Variants in VOPP1 observed in about 807,000 individuals in gnomAD.
VOPP1 encodes WW domain binding protein VOPP1.
Under a neutral mutation model 23.5 loss-of-function variants are expected in VOPP1, and 8 were observed. The observed-to-expected ratio is 0.34, with a 90% confidence interval of 0.20 to 0.61. VOPP1 has a LOEUF of 0.61. Ranked by LOEUF, VOPP1 falls within the 20% of genes least tolerant of loss-of-function variation. VOPP1 has a pLI of 0.78. For synonymous variants in VOPP1, 83 were observed against 97.3 expected (o/e 0.85, Z 0.86); for missense variants, 174 against 238.1 (o/e 0.73, Z 1.77).
chr7:55,491,664 T>C (rs1478466885), intron 4 of VOPP1, among the ~76,000 whole-genome samples: 1 of 152,242 alleles, frequency 6.6e-6, no homozygotes, highest in East Asian at 1.9e-4. Flanking sequence ...GCTAAGGCAA[T>C]GTTTTACAAG....
chr7:55,452,959 G>A (rs1049233751), intron 4 of VOPP1, among the ~76,000 whole-genome samples: 2 of 152,214 alleles, frequency 1.3e-5, no homozygotes, highest in Non-Finnish European at 2.9e-5. Context: ...GTCCTTTGAA[G>A]CTTTAAAGAC....
chr7:55,488,452 T>C (rs1793306954), intron 4 of VOPP1, among the ~76,000 whole-genome samples: 1 of 152,154 alleles, frequency 6.6e-6, no homozygotes, highest in African/African-American at 2.4e-5. Context: ...GCCCCACCTC[T>C]GAACCTCAGC....
At chr7:55,524,750 G>A (rs1477261233) in intron 1 of VOPP1, among the ~76,000 whole-genome samples, 2 of 152,134 alleles carry the variant, frequency 1.3e-5, no homozygotes, top group African/African-American at 2.4e-5. Flanking sequence ...CCTCGTGATG[G>A]GAATGGAGAC....
At chr7:55,437,797 A>G (rs149924722) in intron 4 of VOPP1, among the ~76,000 whole-genome samples, 5 of 151,810 alleles carry the variant, frequency 3.3e-5, no homozygotes, top group Non-Finnish European at 5.9e-5. Flanking sequence ...AGAGATTTCA[A>G]CTTTATCTTC....
chr7:55,477,926 C>T (rs535473654), intron 4 of VOPP1, among the ~76,000 whole-genome samples: 1 of 152,164 alleles, frequency 6.6e-6, no homozygotes, highest in African/African-American at 2.4e-5. Context: ...GGAGGCAGCG[C>T]GGCCGCGGAA....
At position 55,483,882 on chromosome 7, in the gene VOPP1, G is replaced by A. The variant is rs1583873767; in HGVS notation, c.328+8400C>T. ...AGCAATTCTCCTGTCTCAGCCTCCC[G>A]AGTAGCTGGGATTACAGGCACATGC... is the stretch of plus-strand genomic sequence containing the variant. On this transcript the variant is annotated intron_variant, in intron 4 of 4. Coordinates refer to ENST00000285279, the MANE Select transcript of VOPP1 (RefSeq NM_030796.5). 2.6e-5 allele frequency among the ~76,000 whole-genome samples: 4 copies of A among 152,012 alleles called. No individual in the cohort carries two copies. In the South Asian group the frequency reaches 8.3e-4, roughly 32 times the overall value.
At chr7:55,475,044 C>A (rs1187061165) in intron 4 of VOPP1, among the ~76,000 whole-genome samples, 2 of 152,154 alleles carry the variant, frequency 1.3e-5, no homozygotes, top group Non-Finnish European at 2.9e-5. Context: ...GTCCCTGCTG[C>A]AGTAGGGAGA....
intron 1 of VOPP1, among the ~76,000 whole-genome samples, chr7:55,545,121 C>T (rs1211552426): frequency 2.0e-5 from 3 of 152,138 alleles, no homozygotes; most frequent in Non-Finnish European, 4.4e-5. Context: ...CAGACCACAA[C>T]GGTGGGGCAT....
chr7:55,507,869 A>C (rs1794834196), intron 2 of VOPP1, among the ~76,000 whole-genome samples: 1 of 152,152 alleles, frequency 6.6e-6, no homozygotes, highest in African/African-American at 2.4e-5. Context: ...GGTTCTAAGG[A>C]GGGGGCCATC....
chr7:55,498,995 C>A (rs893540263), intron 2 of VOPP1, among the ~76,000 whole-genome samples: 2 of 152,106 alleles, frequency 1.3e-5, no homozygotes. Flanking sequence ...ACTCCCTCCC[C>A]ACTCCACCCC....
At chr7:55,527,786 A>G (rs1334958864) in intron 1 of VOPP1, among the ~76,000 whole-genome samples, 2 of 152,364 alleles carry the variant, frequency 1.3e-5, no homozygotes, top group East Asian at 3.9e-4. Context: ...AAAGTGATAG[A>G]TATGAGAATT....
chr7:55,549,969 C>G (rs898987337), intron 1 of VOPP1, among the ~76,000 whole-genome samples: 17 of 152,194 alleles, frequency 1.1e-4, no homozygotes, highest in Non-Finnish European at 1.6e-4. Context: ...CCAGGAAAAC[C>G]AACAGTCCCT....
intron 4 of VOPP1, among the ~76,000 whole-genome samples, chr7:55,439,117 A>G (rs1790902184): frequency 6.6e-6 from 1 of 152,108 alleles, no homozygotes; most frequent in Non-Finnish European, 1.5e-5. Context: ...TGGAGGCGTC[A>G]CTTTGGAGTT....
chr7:55,442,859 G>C (rs1791001492), intron 4 of VOPP1, among the ~76,000 whole-genome samples: 1 of 152,198 alleles, frequency 6.6e-6, no homozygotes, highest in African/African-American at 2.4e-5. Flanking sequence ...GCTCATGCCT[G>C]TAATCCCAGC....
intron 4 of VOPP1, among the ~76,000 whole-genome samples, chr7:55,447,464 T>C (rs1157951462): frequency 6.6e-6 from 1 of 152,224 alleles, no homozygotes; most frequent in Admixed American, 6.5e-5. Context: ...GAGGTCTGTA[T>C]GTCCTCAAAG....
intron 4 of VOPP1, among the ~76,000 whole-genome samples, chr7:55,488,147 T>TTCTG (rs1343282481): frequency 6.6e-6 from 1 of 152,222 alleles, no homozygotes; most frequent in Non-Finnish European, 1.5e-5. Flanking sequence ...AGGGAGCTCT[T>TTCTG]TCTGCTGCTG....
intron 1 of VOPP1, among the ~76,000 whole-genome samples, chr7:55,565,621 A>G (rs1798138852): frequency 1.3e-5 from 2 of 152,242 alleles, no homozygotes; most frequent in South Asian, 4.1e-4. Context: ...AAAGTCCTCA[A>G]TTTAGGTTTT....
At chr7:55,538,337 C>T (rs924922126) in intron 1 of VOPP1, among the ~76,000 whole-genome samples, 1 of 152,220 alleles carries the variant, frequency 6.6e-6, no homozygotes, top group Non-Finnish European at 1.5e-5. Flanking sequence ...TGTAGCCAGT[C>T]CTTCCAGTCT....
At chr7:55,435,835 T>C (rs967122124), downstream of VOPP1, among the ~76,000 whole-genome samples, 17 of 152,308 alleles carry the variant, frequency 1.1e-4, no homozygotes, top group Admixed American at 5.2e-4. Flanking sequence ...GCATCCACAC[T>C]GTGCCAGGCA....
Sources: gnomAD v4.1 joint callset for allele counts (sites outside exome capture counted in the v4.1 genomes callset) on GRCh38, gnomAD v4.1.1 for gene constraint, MANE v1.5 for transcripts, NCBI Gene and HGNC (gene_info 2026-07-23, HGNC 2026-07-21) for gene names.